SLAIN1: variants seen among roughly 807,000 people sequenced by gnomAD.
SLAIN1 encodes SLAIN family member 1, also known as SLAIN motif-containing protein 1.
In SLAIN1, 17 loss-of-function variants were observed where a neutral mutation model predicts 55.4. The ratio of observed to expected loss-of-function variants is 0.31; its 90% CI spans 0.21 to 0.46. The LOEUF is 0.46. Ranked by LOEUF, SLAIN1 falls within the 20% of genes least tolerant of loss-of-function variation. The pLI is 1.00. For missense variants in SLAIN1, 682 were observed against 785.1 expected, an observed-to-expected ratio of 0.87 and a Z score of 1.57; for synonymous variants, 348 against 337.4, an observed-to-expected ratio of 1.03 and a Z score of -0.35.
intron 2 of SLAIN1, among the ~76,000 whole-genome samples, chr13:77,723,460 A>C (rs1315987030): frequency 6.6e-6 from 1 of 152,140 alleles, no homozygotes; most frequent in Non-Finnish European, 1.5e-5. Context: ...TGGCAGGTAA[A>C]TTTTGAGAAC....
intron 2 of SLAIN1, among the ~76,000 whole-genome samples, chr13:77,733,609 A>G (rs990700038): frequency 3.3e-5 from 5 of 152,168 alleles, no homozygotes; most frequent in African/African-American, 9.7e-5. Context: ...TATAATGACT[A>G]ACTTACTTTG....
At chr13:77,748,599 C>G (rs543941743) in intron 4 of SLAIN1, among the ~76,000 whole-genome samples, 6 of 152,058 alleles carry the variant, frequency 3.9e-5, no homozygotes, top group Non-Finnish European at 8.8e-5. Flanking sequence ...TCTGTGAATC[C>G]TGTGCTGGGA....
chr13:77,706,009 A>G (rs1283417204), intron 1 of SLAIN1, among the ~76,000 whole-genome samples: 1 of 152,104 alleles, frequency 6.6e-6, no homozygotes, highest in Admixed American at 6.6e-5. Context: ...AAATAATATA[A>G]TAACATGTTA....
At position 77,701,597 on chromosome 13, in the gene SLAIN1, A is replaced by T. The variant is rs1338905233; in HGVS notation, c.626+3058A>T. Among the ~76,000 whole-genome samples, 5 of 152,168 alleles carry T rather than the reference A, an allele frequency of 3.3e-5. No homozygotes were observed. The East Asian group carries it at 9.7e-4, about 29-fold the overall frequency. On this transcript the variant is annotated intron_variant, in intron 1 of 6. Transcript: ENST00000418532. ...AAAGCTTTGATGAAACAATTTTCTT[A>T]TTTCTTTGAATATTTATCTTAATTG...
chr13:77,752,246 G>A (rs1157484838), intron 4 of SLAIN1, among the ~76,000 whole-genome samples: 1 of 147,518 alleles, frequency 6.8e-6, no homozygotes, highest in African/African-American at 2.5e-5. Flanking sequence ...TGATATGGTA[G>A]CAAAAGATTC....
chr13:77,725,353 G>A (rs1168665114), intron 2 of SLAIN1, among the ~76,000 whole-genome samples: 2 of 152,170 alleles, frequency 1.3e-5, no homozygotes, highest in Non-Finnish European at 2.9e-5. Context: ...AGAAATTAAA[G>A]ACACTTCACT....
chr13:77,740,256 G>T (rs914646024), intron 2 of SLAIN1, among the ~76,000 whole-genome samples: 1 of 152,082 alleles, frequency 6.6e-6, no homozygotes, highest in East Asian at 1.9e-4. Context: ...TCAGGGCAGT[G>T]TTGGTGGCTG....
intron 2 of SLAIN1, among the ~76,000 whole-genome samples, chr13:77,729,949 C>T (rs905295313): frequency 1.1e-4 from 17 of 151,794 alleles, no homozygotes; most frequent in Non-Finnish European, 1.8e-4. Flanking sequence ...GTCCATCCAA[C>T]GGGAGGAGGA....
rs77903958 is a variant in SLAIN1, at chr13:77,742,187, G to A, written c.767-2096G>A. On this transcript the variant is annotated intron_variant, in intron 2 of 6. Coordinates refer to ENST00000418532, the MANE Select transcript of SLAIN1 (RefSeq NM_001242868.2). Reference sequence around the variant, plus strand: ...TAATTAGACAAGTGAGGTAATGTAAGAATGAGATCATCTGCCCATGGCTGG... The same window carrying A: ...TAATTAGACAAGTGAGGTAATGTAAAAATGAGATCATCTGCCCATGGCTGG... 2.1e-3 allele frequency among the ~76,000 whole-genome samples: 321 copies of A among 151,908 alleles called. 6 individuals carry two copies. In the East Asian group the frequency reaches 0.052, roughly 25 times the overall value.
chr13:77,704,055 GTA>G (rs1380729062), intron 1 of SLAIN1, among the ~76,000 whole-genome samples: 24 of 54,174 alleles, frequency 4.4e-4, no homozygotes, highest in Non-Finnish European at 6.9e-4. Context: ...TGTTTTATAT[GTA>G]TATATATACA....
chr13:77,745,511 G>A (rs537889672), intron 3 of SLAIN1, among the ~76,000 whole-genome samples: 2 of 152,146 alleles, frequency 1.3e-5, no homozygotes, highest in East Asian at 1.9e-4. Flanking sequence ...CTGGTTCTGC[G>A]ATAAAGTTAC....
chr13:77,748,681 G>A (rs1052654882), intron 4 of SLAIN1, among the ~76,000 whole-genome samples: 3 of 152,088 alleles, frequency 2.0e-5, no homozygotes, highest in Non-Finnish European at 4.4e-5. Context: ...TGCCTAAAAT[G>A]TCTAGTTTTC....
intron 1 of SLAIN1, among the ~76,000 whole-genome samples, chr13:77,717,980 TA>T (rs1375670693): frequency 6.6e-6 from 1 of 152,084 alleles, no homozygotes; most frequent in Non-Finnish European, 1.5e-5. Context: ...TGGAAGGGAT[TA>T]TTACCTACAT....
intron 4 of SLAIN1, among the ~76,000 whole-genome samples, chr13:77,747,680 C>A (rs569841302): frequency 2.6e-5 from 4 of 152,280 alleles, no homozygotes; most frequent in Admixed American, 2.6e-4. Flanking sequence ...TCCCTCTGAT[C>A]TCCTGACATC....
intron 2 of SLAIN1, among the ~76,000 whole-genome samples, chr13:77,731,371 G>A (rs977276079): frequency 3.3e-5 from 5 of 152,124 alleles, no homozygotes; most frequent in South Asian, 2.1e-4. Context: ...CTATAATCCT[G>A]TACCGAAGCA....
chr13:77,749,465 C>T (rs1202745154), intron 4 of SLAIN1, among the ~76,000 whole-genome samples: 1 of 152,152 alleles, frequency 6.6e-6, no homozygotes, highest in Non-Finnish European at 1.5e-5. Flanking sequence ...CCTGTGTTGC[C>T]TGGATGCCTA....
intron 1 of SLAIN1, among the ~76,000 whole-genome samples, chr13:77,708,617 A>G (rs1171259647): frequency 6.6e-6 from 1 of 152,196 alleles, no homozygotes; most frequent in Non-Finnish European, 1.5e-5. Context: ...ACCCAGACAT[A>G]CAGAGTCTGG....
Position 77,698,354 on chromosome 13 carries a change from C to T in SLAIN1, c.441C>T (p.Phe147=). ...CSLAQPPEAP[F]VYFKPAAGFF... Reference sequence around the variant, plus strand: ...TGGCGCAGCCACCCGAGGCGCCCTTCGTCTACTTCAAGCCGGCAGCAGGCT... The same window carrying T: ...TGGCGCAGCCACCCGAGGCGCCCTTTGTCTACTTCAAGCCGGCAGCAGGCT... The change falls in exon 1 of 7, where the codon TTC becomes TTT. Residue 147 remains phenylalanine, a synonymous_variant. Coordinates refer to ENST00000418532, the MANE Select transcript of SLAIN1 (RefSeq NM_001242868.2). This position sits in a 1 kb window ranked among gnomAD's most constrained non-coding sequence, Gnocchi z 4.1. The T allele has an allele frequency of 1.4e-6, 2 of 1,444,636 alleles. No individual in the cohort carries two copies. Among genetic ancestry groups the T allele is most frequent in the Non-Finnish European group, 1.8e-6 (2 of 1,100,410 alleles). The allele number at this position is 1,444,636 out of a possible 1,614,324, so 89.5% of individuals were successfully genotyped here.
Position 77,697,892 on chromosome 13 carries a change from C to G in SLAIN1, c.-22C>G, listed in dbSNP as rs569122683. The stretch of plus-strand genomic sequence containing the variant: ...GCGGCGGCGCGCACTCCCCGGCGGC[C>G]GCGGCGCCCTCGGGGCCCACGATGA... On this transcript the variant is annotated 5_prime_UTR_variant, in exon 1 of 7. Coordinates refer to ENST00000418532, the MANE Select transcript of SLAIN1 (RefSeq NM_001242868.2). 2.2e-6 allele frequency: 3 copies of G among 1,340,998 alleles called. No individual in the cohort carries two copies. The African/African-American group carries it at 4.7e-5, about 21-fold the overall frequency. 83.1% of individuals were successfully genotyped at this position (1,340,998 alleles called of 1,614,324 possible).
Sources: gnomAD v4.1 joint callset for allele counts (sites outside exome capture counted in the v4.1 genomes callset) on GRCh38, gnomAD v4.1.1 for gene constraint, Gnocchi (gnomAD v3.1) non-coding constraint, MANE v1.5 for transcripts, NCBI Gene and HGNC (gene_info 2026-07-23, HGNC 2026-07-21) for gene names.